IHO1: variants seen among roughly 807,000 people sequenced by gnomAD.
IHO1 encodes interactor of HORMAD1 protein 1.
In IHO1, 13 loss-of-function variants were observed where a neutral mutation model predicts 31.0. The observed-to-expected ratio is 0.42, with a 90% CI of 0.27 to 0.67. IHO1 has a LOEUF of 0.67. IHO1 is among the 30% of genes least tolerant of loss of function. IHO1 has a pLI of 0.24. For missense variants in IHO1, 599 were observed against 687.5 expected (o/e 0.87, Z 1.44); for synonymous variants, 221 against 248.4 (o/e 0.89, Z 1.04).
At chr3:49,227,006 C>T (rs144705501) in intron 2 of IHO1, among the ~76,000 whole-genome samples, 1 of 152,192 alleles carries the variant, frequency 6.6e-6, no homozygotes, top group Non-Finnish European at 1.5e-5. Flanking sequence ...TTAAAGGAGG[C>T]TTCTCATTAA....
chr3:49,226,480 T>G (rs2046418476), intron 2 of IHO1, among the ~76,000 whole-genome samples: 1 of 152,190 alleles, frequency 6.6e-6, no homozygotes, highest in Admixed American at 6.5e-5. Flanking sequence ...ATTGAATAAT[T>G]CATGGGCTTT....
intron 2 of IHO1, among the ~76,000 whole-genome samples, chr3:49,227,613 A>C (rs1045098693): frequency 2.0e-5 from 3 of 152,196 alleles, no homozygotes; most frequent in African/African-American, 7.2e-5. Context: ...AAGCGGACTG[A>C]GAAAAATCAG....
At chr3:49,209,472 TA>T (rs34224471) in intron 1 of IHO1, among the ~76,000 whole-genome samples, 289 of 141,172 alleles carry the variant, frequency 2.0e-3, no homozygotes, top group Middle Eastern at 3.7e-3. Context: ...TGTCTCTACT[TA>T]AAAAAAAAAA....
chr3:49,239,984 C>G (rs1181821541), intron 3 of IHO1, among the ~76,000 whole-genome samples: 1 of 152,142 alleles, frequency 6.6e-6, no homozygotes, highest in African/African-American at 2.4e-5. Context: ...TATATATAAA[C>G]TTACATGCAT....
chr3:49,191,896 A>C, the IHO1 span: 1 of 857,724 alleles, frequency 1.2e-6, no homozygotes, highest in African/African-American at 1.7e-5. Context: ...GTGACTGCAC[A>C]ATGCTGCTGC....
intron 2 of IHO1, among the ~76,000 whole-genome samples, chr3:49,215,489 C>T (rs931174669): frequency 1.1e-4 from 16 of 152,104 alleles, no homozygotes; most frequent in Admixed American, 7.9e-4. Flanking sequence ...TGGTGTTACC[C>T]ATATTATATG....
chr3:49,207,249 G>GT (rs1223888677), intron 1 of IHO1, among the ~76,000 whole-genome samples: 473 of 138,438 alleles, frequency 3.4e-3, no homozygotes, highest in Middle Eastern at 7.4e-3. Flanking sequence ...TTCTGGTGAG[G>GT]TTTTTTTTTT....
At chr3:49,254,462 CAGAGA>C (rs1206114162) in intron 6 of IHO1, among the ~76,000 whole-genome samples, 5 of 151,540 alleles carry the variant, frequency 3.3e-5, no homozygotes, top group Non-Finnish European at 5.9e-5. Flanking sequence ...GTGCTACCTG[CAGAGA>C]GAAGCAACAC....
intron 2 of IHO1, among the ~76,000 whole-genome samples, chr3:49,225,828 G>A (rs761167956): frequency 1.2e-4 from 18 of 152,290 alleles, no homozygotes; most frequent in Middle Eastern, 3.4e-3. Flanking sequence ...AGGCCGTGCC[G>A]GTGTTCAGGA....
rs1039870686 is a variant in IHO1 at position 49,236,699 on chromosome 3, C to G, written c.208C>G (p.Gln70Glu). 3 of 1,613,696 alleles carry G rather than the reference C, an allele frequency of 1.9e-6. No individual in the cohort carries two copies. The highest frequency in any genetic ancestry group is 1.7e-5 in the Admixed American group (1 of 59,868). ...DFGAHLRHSK[Q>E]SQQNYLEGEP... ...TGGTGCCCACTTGAGACATTCAAAA[C>G]AGTCACAACAGAACTATCTGGAGGT... The change falls in exon 3 of 8, where the codon CAG becomes GAG. Residue 70 changes from glutamine to glutamate, a missense_variant. By Grantham distance (29) the Gln-to-Glu change is conservative. Coordinates refer to ENST00000452691, the MANE Select transcript of IHO1 (RefSeq NM_001135197.2).
chr3:49,252,722 G>C (rs760514593), intron 6 of IHO1, among the ~76,000 whole-genome samples: 54 of 152,144 alleles, frequency 3.5e-4, no homozygotes, highest in Non-Finnish European at 6.0e-4. Context: ...ACTGTGCCCA[G>C]CCTGTTTATT....
In IHO1 at chr3:49,214,632, A is replaced by ATTTTTTTT. The variant is rs3083884; in HGVS notation, c.56+2813_56+2820dup. 9.6e-4 allele frequency among the ~76,000 whole-genome samples: 5 copies of ATTTTTTTT among 5,188 alleles called. 1 individual carries two copies. The highest frequency in any genetic ancestry group is 1.3e-3 in the Non-Finnish European group (4 of 3,104). 3.4% of individuals were successfully genotyped at this position (5,188 alleles called of 152,430 possible). ...CATATATATATATATATATATATAT[A>ATTTTTTTT]TTTTTTTTTTTTTTTTTTTTTTTTG... On this transcript the variant is annotated intron_variant, in intron 2 of 7. Transcript: ENST00000452691.
At chr3:49,242,195 G>C (rs1046598858) in intron 4 of IHO1, among the ~76,000 whole-genome samples, 2 of 152,054 alleles carry the variant, frequency 1.3e-5, no homozygotes, top group African/African-American at 4.8e-5. Flanking sequence ...TGCCCACTTC[G>C]GCCTCCCAAA....
intron 2 of IHO1, among the ~76,000 whole-genome samples, chr3:49,226,138 C>T (rs1188482309): frequency 6.6e-6 from 1 of 152,196 alleles, no homozygotes; most frequent in Non-Finnish European, 1.5e-5. Flanking sequence ...TTTCTGTCCT[C>T]TCTGAACCAC....
intron 7 of IHO1, among the ~76,000 whole-genome samples, 200 bp from the exon 8 acceptor site, chr3:49,255,934 G>A (rs1270678050): frequency 6.6e-6 from 1 of 152,080 alleles, no homozygotes; most frequent in Non-Finnish European, 1.5e-5. Flanking sequence ...ATATAGACTA[G>A]CTTCCTTCCC....
intron 2 of IHO1, among the ~76,000 whole-genome samples, chr3:49,223,639 C>T (rs1489160171): frequency 2.0e-5 from 3 of 151,476 alleles, no homozygotes; most frequent in South Asian, 4.2e-4. Flanking sequence ...TGCAGTGAGC[C>T]GAGATCACGC....
At chr3:49,254,577 G>A (rs1413857906) in intron 6 of IHO1, among the ~76,000 whole-genome samples, 1 of 151,936 alleles carries the variant, frequency 6.6e-6, no homozygotes, top group African/African-American at 2.4e-5. Context: ...GTTGCGGGGG[G>A]CGGGGGGAAT....
At chr3:49,227,811 T>G (rs2046434334) in intron 2 of IHO1, among the ~76,000 whole-genome samples, 1 of 152,124 alleles carries the variant, frequency 6.6e-6, no homozygotes, top group Non-Finnish European at 1.5e-5. Flanking sequence ...CTCACTTGAA[T>G]AGGAAGGATA....
upstream of IHO1, among the ~76,000 whole-genome samples, chr3:49,195,736 TAATA>T (rs1231512445): frequency 2.0e-5 from 3 of 151,094 alleles, no homozygotes; most frequent in East Asian, 3.9e-4. Flanking sequence ...ACAACAAAAA[TAATA>T]AATAAATAAT....
Sources: gnomAD v4.1 joint callset for allele counts (sites outside exome capture counted in the v4.1 genomes callset) on GRCh38, gnomAD v4.1.1 for gene constraint, MANE v1.5 for transcripts, NCBI Gene and HGNC (gene_info 2026-07-23, HGNC 2026-07-21) for gene names.